Variants in SAMD12 observed in about 807,000 individuals in gnomAD.
SAMD12 encodes sterile alpha motif domain containing 12.
SAMD12 carries 9 observed loss-of-function variants against 15.0 expected under a neutral mutation model. The ratio of observed to expected loss-of-function variants is 0.60; its 90% CI spans 0.36 to 1.05. The LOEUF (loss-of-function observed/expected upper bound fraction) is 1.05. Among genes scored for constraint, SAMD12 ranks in the 50% least tolerant of loss-of-function variants. The pLI, the probability that SAMD12 is intolerant of heterozygous loss-of-function variation, is 0.01. For missense variants in SAMD12, 230 were observed against 234.2 expected, an observed-to-expected ratio of 0.98 and a Z score of 0.12; for synonymous variants, 86 against 90.1, an observed-to-expected ratio of 0.96 and a Z score of 0.25.
At chr8:118,549,072 C>A (rs1344644421) in intron 2 of SAMD12, among the ~76,000 whole-genome samples, 2 of 152,250 alleles carry the variant, frequency 1.3e-5, no homozygotes, top group Non-Finnish European at 2.9e-5. Context: ...GGCCTGCCTG[C>A]CTCTGTAGGC....
chr8:118,566,940 G>A (rs1354757299), intron 2 of SAMD12, among the ~76,000 whole-genome samples: 1 of 152,158 alleles, frequency 6.6e-6, no homozygotes. Context: ...TGTGGTTACA[G>A]GCAGCCAATT....
At chr8:118,342,518 T>G (rs918190263) in intron 4 of SAMD12, among the ~76,000 whole-genome samples, 1 of 152,134 alleles carries the variant, frequency 6.6e-6, no homozygotes, top group Non-Finnish European at 1.5e-5. Context: ...CTTGGCCAAA[T>G]TACAGTCCGA....
intron 4 of SAMD12, among the ~76,000 whole-genome samples, chr8:118,216,182 T>G (rs1318025278): frequency 6.7e-6 from 1 of 149,856 alleles, no homozygotes; most frequent in South Asian, 2.1e-4. Context: ...TGGTATCTCA[T>G]TGTGGTTTTG....
chr8:118,335,723 C>A (rs1586552717), intron 4 of SAMD12, among the ~76,000 whole-genome samples: 2 of 152,274 alleles, frequency 1.3e-5, no homozygotes, highest in South Asian at 4.1e-4. Context: ...AAGTAATATG[C>A]ACTGAGGGCC....
chr8:118,364,237 C>T (rs188865614), intron 4 of SAMD12, among the ~76,000 whole-genome samples: 166 of 152,148 alleles, frequency 1.1e-3, no homozygotes, highest in Non-Finnish European at 1.7e-3. Context: ...TGTTTATTAT[C>T]CTTTGGGGGT....
At chr8:118,146,239 A>G in the SAMD12 span, among the ~76,000 whole-genome samples, 4 of 152,218 alleles carry the variant, frequency 2.6e-5, no homozygotes, top group East Asian at 3.8e-4. Flanking sequence ...AACATGATGT[A>G]CAAAGCATTG....
At chr8:118,449,303 C>T (rs1287677372) in intron 2 of SAMD12, among the ~76,000 whole-genome samples, 5 of 151,844 alleles carry the variant, frequency 3.3e-5, no homozygotes, top group Non-Finnish European at 7.4e-5. Flanking sequence ...CCTCGTGATC[C>T]ACCTGCCTTG....
At chr8:118,158,847 G>A in the SAMD12 span, among the ~76,000 whole-genome samples, 1 of 152,044 alleles carries the variant, frequency 6.6e-6, no homozygotes, top group Non-Finnish European at 1.5e-5. Context: ...TCCCAGTTGA[G>A]AGCTGAACAG....
chr8:118,438,061 G>C (rs902666480), intron 3 of SAMD12, among the ~76,000 whole-genome samples: 4 of 152,190 alleles, frequency 2.6e-5, no homozygotes, highest in Admixed American at 2.6e-4. Context: ...ATTGATTACA[G>C]TTAGGAGTAG....
intron 4 of SAMD12, among the ~76,000 whole-genome samples, chr8:118,372,819 A>C (rs573034929): frequency 2.0e-4 from 31 of 152,232 alleles, no homozygotes; most frequent in African/African-American, 7.2e-4. Flanking sequence ...AACCTAATAC[A>C]TTTAGTGGAA....
chr8:118,191,604 T>A (rs1301460890), exon 5 of SAMD12: 1 of 150,984 alleles, frequency 6.6e-6, no homozygotes, highest in Non-Finnish European at 1.5e-5. Context: ...CAGCAGCTGG[T>A]ATGTGGGAAA....
At chr8:118,338,956 T>C (rs2130536523) in intron 4 of SAMD12, among the ~76,000 whole-genome samples, 1 of 152,328 alleles carries the variant, frequency 6.6e-6, no homozygotes, top group East Asian at 1.9e-4. Flanking sequence ...GAATCAAGAA[T>C]GAGCCGCCAC....
intron 4 of SAMD12, among the ~76,000 whole-genome samples, chr8:118,312,975 T>C (rs1221573020): frequency 6.6e-6 from 1 of 152,168 alleles, no homozygotes; most frequent in East Asian, 1.9e-4. Context: ...TTTCTTAAGA[T>C]GACTAAACCA....
chr8:118,194,822 A>G (rs1054744260), exon 5 of SAMD12: 17 of 152,230 alleles, frequency 1.1e-4, no homozygotes, highest in African/African-American at 3.9e-4. Context: ...CACATAATAA[A>G]GAAGCCAAAG....
chr8:118,544,108 C>T (rs1052493164), intron 2 of SAMD12, among the ~76,000 whole-genome samples: 8 of 152,144 alleles, frequency 5.3e-5, no homozygotes, highest in African/African-American at 1.4e-4. Flanking sequence ...TAGGCGAGTC[C>T]GTCGGCTCTT....
chr8:118,317,960 C>G (rs1392722726), intron 4 of SAMD12, among the ~76,000 whole-genome samples: 1 of 152,066 alleles, frequency 6.6e-6, no homozygotes, highest in East Asian at 1.9e-4. Flanking sequence ...TTCGACATCA[C>G]TAAACATCAG....
chr8:118,484,414 C>G (rs1283375084), intron 2 of SAMD12, among the ~76,000 whole-genome samples: 2 of 151,998 alleles, frequency 1.3e-5, no homozygotes, highest in African/African-American at 4.8e-5. Flanking sequence ...GTTAAGAGGG[C>G]ATATTTTATG....
At chr8:118,584,570 A>AT (rs377292159) in intron 1 of SAMD12, among the ~76,000 whole-genome samples, 10 of 152,216 alleles carry the variant, frequency 6.6e-5, no homozygotes, top group African/African-American at 2.4e-4. Flanking sequence ...TGTGGTCTTT[A>AT]TGGGAAGTGC....
At chr8:118,270,926 G>T (rs1473417624) in intron 4 of SAMD12, among the ~76,000 whole-genome samples, 1 of 152,252 alleles carries the variant, frequency 6.6e-6, no homozygotes, top group Non-Finnish European at 1.5e-5. Flanking sequence ...AGTCCAAGGG[G>T]TTACTGCATC....
Sources: allele counts gnomAD v4.1 joint callset (sites outside exome capture counted in the v4.1 genomes callset), GRCh38; gene constraint gnomAD v4.1.1; transcripts MANE v1.5; gene names NCBI Gene and HGNC (gene_info 2026-07-23, HGNC 2026-07-21).